Variants in SERGEF observed in about 807,000 individuals in gnomAD.
SERGEF encodes the protein secretion-regulating guanine nucleotide exchange factor.
In SERGEF, 51 loss-of-function variants were observed where a neutral mutation model predicts 50.0. That is an observed-to-expected ratio of 1.02 (90% CI 0.81 to 1.29). The LOEUF is 1.29. Ranked by LOEUF, SERGEF falls within the 50% of genes most tolerant of loss-of-function variation. The pLI, the probability that SERGEF is intolerant of heterozygous loss-of-function variation, is 0.00. For missense variants in SERGEF, 521 were observed against 557.0 expected (o/e 0.94, Z 0.65); for synonymous variants, 205 against 212.4 (o/e 0.97, Z 0.30).
intron 9 of SERGEF, among the ~76,000 whole-genome samples, chr11:17,922,335 A>G (rs1279822713): frequency 6.6e-6 from 1 of 152,188 alleles, no homozygotes; most frequent in African/African-American, 2.4e-5. Context: ...TTGTTTTAGG[A>G]TTATTCATCA....
chr11:17,999,632 C>A, intron 5 of SERGEF: 1 of 448,736 alleles, frequency 2.2e-6, no homozygotes, highest in Non-Finnish European at 4.5e-6. Flanking sequence ...AAAGGGTCAC[C>A]ATTCTCCCAC....
chr11:17,914,250 G>A (rs996987473), intron 9 of SERGEF, among the ~76,000 whole-genome samples: 5 of 152,102 alleles, frequency 3.3e-5, no homozygotes, highest in Non-Finnish European at 7.4e-5. Flanking sequence ...CCTCATCCAT[G>A]AAGTTTTCCT....
chr11:17,980,635 TTC>T (rs1853478434), intron 8 of SERGEF, among the ~76,000 whole-genome samples: 1 of 152,234 alleles, frequency 6.6e-6, no homozygotes, highest in South Asian at 2.1e-4. Flanking sequence ...AATCATTCTT[TTC>T]ACTTACTATA....
At chr11:18,010,006 G>T in intron 1 of SERGEF, 2 of 632,462 alleles carry the variant, frequency 3.2e-6, no homozygotes, top group South Asian at 2.0e-5. Flanking sequence ...TGAAGACAAG[G>T]GATTGTGGAC....
chr11:17,922,030 T>C (rs561541814), intron 9 of SERGEF, among the ~76,000 whole-genome samples: 6 of 152,274 alleles, frequency 3.9e-5, no homozygotes, highest in Admixed American at 1.3e-4. Flanking sequence ...CCAAGCCTCA[T>C]GGACTTGTCT....
At chr11:17,967,504 C>T (rs539721388) in intron 8 of SERGEF, among the ~76,000 whole-genome samples, 1 of 152,328 alleles carries the variant, frequency 6.6e-6, no homozygotes, top group East Asian at 1.9e-4. Context: ...ACAGCTGCTC[C>T]ATTTTCACCA....
In SERGEF at chr11:18,012,969, C is replaced by T. The variant is rs765423422; in HGVS notation, c.42G>A (p.Ala14=). The T allele has an allele frequency of 7.5e-6, 11 of 1,476,390 alleles. No individual in the cohort carries two copies. The South Asian group carries it at 1.2e-4, about 16-fold the overall frequency. The allele number at this position is 1,476,390 out of a possible 1,614,324, so 91.5% of individuals were successfully genotyped here. ...CACGTACCCAGGCGAAGAGCGCGGCCGCCGCGGGGGCGGCCTCCGAGGCGC... is the reference window on the plus strand; with the variant it reads ...CACGTACCCAGGCGAAGAGCGCGGCTGCCGCGGGGGCGGCCTCCGAGGCGC... ...EPSASEAAPA[A]AALFAWGANS... The change falls in exon 1 of 11, where the codon GCG becomes GCA. Residue 14 remains alanine, a synonymous_variant. Coordinates refer to ENST00000265965, the MANE Select transcript of SERGEF (RefSeq NM_012139.4).
chr11:17,992,505 G>T (rs774186271), intron 7 of SERGEF, among the ~76,000 whole-genome samples: 1 of 152,104 alleles, frequency 6.6e-6, no homozygotes, highest in African/African-American at 2.4e-5. Context: ...CCTCATAATC[G>T]TAGGTATATC....
intron 10 of SERGEF, among the ~76,000 whole-genome samples, chr11:17,835,252 G>A (rs996806494): frequency 2.6e-5 from 4 of 152,140 alleles, no homozygotes; most frequent in African/African-American, 7.2e-5. Context: ...GATGATTTTC[G>A]TTGCCAATAC....
At chr11:17,821,355 A>G (rs1366717026) in intron 10 of SERGEF, among the ~76,000 whole-genome samples, 1 of 152,186 alleles carries the variant, frequency 6.6e-6, no homozygotes, top group Non-Finnish European at 1.5e-5. Flanking sequence ...CACACTGCCT[A>G]TCTCCTTAAC....
At chr11:17,917,475 C>T (rs1331244798) in intron 9 of SERGEF, among the ~76,000 whole-genome samples, 1 of 152,134 alleles carries the variant, frequency 6.6e-6, no homozygotes, top group Non-Finnish European at 1.5e-5. Flanking sequence ...ATGTATACTG[C>T]TTGGGTAATG....
chr11:17,884,557 G>A lies in SERGEF; in HGVS notation c.1012-6313C>T, dbSNP rs1851394900. ...TTTTACAGGCACACTGCAATCCAGT[G>A]AGCCACCAGAGTTCCACCTCTAAGC... On this transcript the variant is annotated intron_variant, in intron 9 of 10. Coordinates refer to ENST00000265965, the MANE Select transcript of SERGEF (RefSeq NM_012139.4). This position sits in a 1 kb window ranked among gnomAD's most constrained non-coding sequence, Gnocchi z 4.6. Among the ~76,000 whole-genome samples the A allele has an allele frequency of 6.6e-6, 1 of 152,132 alleles. No individual in the cohort carries two copies. Among genetic ancestry groups the A allele is most frequent in the Non-Finnish European group, 1.5e-5 (1 of 68,018 alleles).
Position 17,835,005 on chromosome 11 carries a change from T to C in SERGEF, c.1048+43203A>G, listed in dbSNP as rs552637390. The stretch of plus-strand genomic sequence containing the variant: ...TTAACAAATAATTGTTGGATAAATG[T>C]TGGGAAAGTGGATGATCCCATTTTA... On this transcript the variant is annotated intron_variant, in intron 10 of 10. Coordinates refer to ENST00000265965, the MANE Select transcript of SERGEF (RefSeq NM_012139.4). Among the ~76,000 whole-genome samples the C allele has an allele frequency of 3.3e-5, 5 of 152,324 alleles. No homozygotes were observed. In the South Asian group the frequency reaches 1.0e-3, roughly 32 times the overall value.
At chr11:17,849,857 GT>G (rs1284970309) in intron 10 of SERGEF, among the ~76,000 whole-genome samples, 2 of 152,090 alleles carry the variant, frequency 1.3e-5, no homozygotes, top group Non-Finnish European at 2.9e-5. Context: ...AAAAATCTAT[GT>G]TTTTTTCTGC....
chr11:17,932,454 G>T (rs1345195627), intron 9 of SERGEF, among the ~76,000 whole-genome samples: 1 of 152,122 alleles, frequency 6.6e-6, no homozygotes, highest in African/African-American at 2.4e-5. Context: ...TGTTCCTGGG[G>T]TCAATAATTT....
chr11:17,976,470 T>C (rs989211459), intron 8 of SERGEF, among the ~76,000 whole-genome samples: 3 of 149,462 alleles, frequency 2.0e-5, no homozygotes, highest in African/African-American at 4.9e-5. Flanking sequence ...TTTTTTTTTT[T>C]TTTTTTTTTT....
At chr11:17,931,941 G>C (rs1460427771) in intron 9 of SERGEF, among the ~76,000 whole-genome samples, 1 of 152,136 alleles carries the variant, frequency 6.6e-6, no homozygotes, top group Non-Finnish European at 1.5e-5. Flanking sequence ...CATCCAAACT[G>C]CTGCATGTTT....
intron 9 of SERGEF, among the ~76,000 whole-genome samples, chr11:17,910,133 T>C (rs1345821966): frequency 8.0e-6 from 1 of 125,314 alleles, no homozygotes; most frequent in African/African-American, 3.2e-5. Context: ...CCAAAAGAGG[T>C]GAATTCAGAG....
intron 9 of SERGEF, among the ~76,000 whole-genome samples, chr11:17,889,795 T>C (rs888601397): frequency 3.3e-5 from 5 of 152,208 alleles, no homozygotes; most frequent in Non-Finnish European, 7.3e-5. Flanking sequence ...GAATTCTTTA[T>C]ATTATTCTTG....
Sources: gnomAD v4.1 joint callset for allele counts (sites outside exome capture counted in the v4.1 genomes callset) on GRCh38, gnomAD v4.1.1 for gene constraint, Gnocchi (gnomAD v3.1) non-coding constraint, MANE v1.5 for transcripts, NCBI Gene and HGNC (gene_info 2026-07-23, HGNC 2026-07-21) for gene names.